Variants in TUBGCP4 observed in about 807,000 individuals in gnomAD.
The protein encoded by TUBGCP4 is tubulin gamma complex component 4.
In TUBGCP4, 54 loss-of-function variants were observed where a neutral mutation model predicts 91.6. That is an observed-to-expected ratio of 0.59 (90% CI 0.47 to 0.74). The LOEUF (loss-of-function observed/expected upper bound fraction) is 0.74. Among genes scored for constraint, TUBGCP4 ranks in the 30% least tolerant of loss-of-function variants. TUBGCP4 has a pLI of 0.00. For missense variants in TUBGCP4, 593 were observed against 800.9 expected (o/e 0.74, Z 3.13); for synonymous variants, 297 against 302.8 (o/e 0.98, Z 0.20).
rs1035800833 is a variant in TUBGCP4 at position 43,407,741 on chromosome 15, G to A, written c.*2527G>A. Reference sequence around the variant, plus strand: ...AAAGGCAGAGTTATAATCACTATGTGCTGACCTTGTAGAAATATTTAACAA... The same window carrying A: ...AAAGGCAGAGTTATAATCACTATGTACTGACCTTGTAGAAATATTTAACAA... On this transcript the variant is annotated 3_prime_UTR_variant, in exon 18 of 18. Transcript: ENST00000564079. The A allele has an allele frequency of 1.5e-5, 12 of 781,448 alleles. No individual in the cohort carries two copies. The African/African-American group carries it at 1.6e-4, about 10-fold the overall frequency. 48.4% of individuals were successfully genotyped at this position (781,448 alleles called of 1,614,324 possible).
Position 43,407,691 on chromosome 15 carries a change from A to C in TUBGCP4, c.*2477A>C, listed in dbSNP as rs45608631. 0.024 allele frequency: 23,031 copies of C among 962,968 alleles called. 353 individuals carry two copies. The highest frequency in any genetic ancestry group is 0.039 in the South Asian group (2,235 of 57,760). 59.7% of individuals were successfully genotyped at this position (962,968 alleles called of 1,614,324 possible). A position where few individuals can be genotyped will look rare whatever the true frequency, so the allele number is the denominator to read the frequency against. ...GCACAAACCAAAGCCCTATTATGTC[A>C]AACACACTGCTACTGATCATGACCA... On this transcript the variant is annotated 3_prime_UTR_variant, in exon 18 of 18. Coordinates refer to ENST00000564079, the MANE Select transcript of TUBGCP4 (RefSeq NM_014444.5).
chr15:43,405,177 A>G, intron 17 of TUBGCP4, 25 bp from the exon 18 acceptor site: 3 of 1,614,076 alleles, frequency 1.9e-6, no homozygotes, highest in Non-Finnish European at 2.5e-6. Context: ...ATGACACTTA[A>G]TAAGGCTCTT....
Position 43,405,265 on chromosome 15 carries a change from CAG to C in TUBGCP4, c.*53_*54del, listed in dbSNP as rs935843355. On this transcript the variant is annotated 3_prime_UTR_variant, in exon 18 of 18. Coordinates refer to ENST00000564079, the MANE Select transcript of TUBGCP4 (RefSeq NM_014444.5). ...AACAGCCACGTTCCCAAGGTTGTAA[CAG>C]AAGATTCAAAACATCCCATTCTAGC... 1 of 1,603,204 alleles carries C rather than the reference CAG, an allele frequency of 6.2e-7. No homozygotes were observed. Among genetic ancestry groups the C allele is most frequent in the Non-Finnish European group, 8.5e-7 (1 of 1,170,314 alleles).
chr15:43,373,289 G>T (rs780062542), intron 1 of TUBGCP4, among the ~76,000 whole-genome samples: 36 of 152,110 alleles, frequency 2.4e-4, no homozygotes, highest in Non-Finnish European at 4.1e-4. Flanking sequence ...ATATAGAATG[G>T]TATCAGTAAC....
chr15:43,388,005 T>C (rs2044406768), intron 9 of TUBGCP4, among the ~76,000 whole-genome samples: 1 of 151,382 alleles, frequency 6.6e-6, no homozygotes, highest in Non-Finnish European at 1.5e-5. Context: ...TGCACCAGCA[T>C]GCCTGGCAAA....
intron 4 of TUBGCP4, 86 bp downstream of exon 4, chr15:43,377,153 T>G: frequency 8.6e-7 from 1 of 1,162,702 alleles, no homozygotes. Context: ...TGAGAACTTT[T>G]TTTCTTCTGG....
Position 43,398,317 on chromosome 15 carries a change from A to C in TUBGCP4, c.1418+138A>C, listed in dbSNP as rs2044615051. ...ATCCCAGCTAGTCCAGAGCCTGAGC[A>C]GGAGGATCCCTTAAGCCCAGGATTT... is the stretch of plus-strand genomic sequence containing the variant. On this transcript the variant is annotated intron_variant, in intron 13 of 17. Coordinates refer to ENST00000564079, the MANE Select transcript of TUBGCP4 (RefSeq NM_014444.5). 3 of 916,202 alleles carry C rather than the reference A, an allele frequency of 3.3e-6. No individual in the cohort carries two copies. The East Asian group carries it at 7.8e-5, about 24-fold the overall frequency. 56.8% of individuals were successfully genotyped at this position (916,202 alleles called of 1,614,324 possible).
At chr15:43,400,568 GT>G (rs2044658777) in intron 14 of TUBGCP4, among the ~76,000 whole-genome samples, 1 of 151,944 alleles carries the variant, frequency 6.6e-6, no homozygotes, top group African/African-American at 2.4e-5. Flanking sequence ...CAGCTGGTTT[GT>G]TTTTATTTTT....
At chr15:43,379,999 C>T in intron 5 of TUBGCP4, 85 bp from the exon 6 acceptor site, 5 of 1,304,488 alleles carry the variant, frequency 3.8e-6, no homozygotes, top group Middle Eastern at 1.8e-4. Context: ...TAGATTGTGC[C>T]CTCTTGGTTG....
At chr15:43,387,986 C>A (rs2044406389) in intron 9 of TUBGCP4, among the ~76,000 whole-genome samples, 1 of 151,808 alleles carries the variant, frequency 6.6e-6, no homozygotes, top group African/African-American at 2.4e-5. Context: ...GTAGCTGGGA[C>A]TGCAGGCCTG....
At chr15:43,404,342 T>TCCG (rs1424886669) in intron 16 of TUBGCP4, 71 bp from the exon 17 acceptor site, 1 of 1,581,306 alleles carries the variant, frequency 6.3e-7, no homozygotes, top group African/African-American at 1.4e-5. Context: ...AACTCCTCCC[T>TCCG]CCGCCCCCAT....
chr15:43,404,568 G>A lies in TUBGCP4; in HGVS notation c.1988+16G>A, dbSNP rs140067398. Reference sequence around the variant, plus strand: ...CTCTGGGCAGGTAGGAGCAACCCTTGGGTAACTCAGTAGACTTTTTAAGGT... The same window carrying A: ...CTCTGGGCAGGTAGGAGCAACCCTTAGGTAACTCAGTAGACTTTTTAAGGT... On this transcript the variant is annotated intron_variant, in intron 17 of 17. Transcript: ENST00000564079. 1.9e-6 allele frequency: 3 copies of A among 1,613,018 alleles called. No individual in the cohort carries two copies. The highest frequency in any genetic ancestry group is 1.7e-4 in the Middle Eastern group (1 of 6,050).
chr15:43,375,994 A>T (rs2044198084), intron 1 of TUBGCP4, 104 bp from the exon 2 acceptor site: 2 of 1,527,072 alleles, frequency 1.3e-6, no homozygotes, highest in Non-Finnish European at 1.8e-6. Context: ...TTAAGTGGAC[A>T]TCTTGAGAAA....
intron 6 of TUBGCP4, among the ~76,000 whole-genome samples, chr15:43,380,568 G>C (rs2044271629): frequency 6.6e-6 from 1 of 152,112 alleles, no homozygotes; most frequent in South Asian, 2.1e-4. Flanking sequence ...CCACTCTTGG[G>C]AATTTTATCC....
Position 43,395,601 on chromosome 15 carries a change from C to G in TUBGCP4, c.1084C>G (p.Leu362Val), listed in dbSNP as rs770314330. The change falls in exon 11 of 18, where the codon CTT becomes GTT. Residue 362 changes from leucine (L) to valine (V), a missense_variant. Physicochemically the swap from Leu to Val is conservative, Grantham distance 32. Transcript: ENST00000564079. The part of the protein sequence containing the change: ...GQLKIIKDFY[L>V]LGRGELFQAF... The stretch of plus-strand genomic sequence containing the variant: ...TCCTCAGATCATTAAAGACTTTTAC[C>G]TTCTGGGACGTGGAGAACTGTTTCA... 1.9e-6 allele frequency: 3 copies of G among 1,613,968 alleles called. No individual in the cohort carries two copies. The East Asian group carries it at 6.7e-5, about 36-fold the overall frequency.
At chr15:43,386,029 A>G in intron 8 of TUBGCP4, 73 bp downstream of exon 8, 1 of 1,574,170 alleles carries the variant, frequency 6.4e-7, no homozygotes, top group Non-Finnish European at 8.6e-7. Flanking sequence ...GCCCCACAGC[A>G]TGCCTGGTCA....
chr15:43,385,651 G>T, intron 7 of TUBGCP4, 140 bp from the exon 8 acceptor site: 1 of 815,058 alleles, frequency 1.2e-6, no homozygotes, highest in Non-Finnish European at 1.9e-6. Context: ...AAAATGGGTG[G>T]TTTGAGAACT....
At chr15:43,399,999 G>A (rs1222463065) in intron 13 of TUBGCP4, 45 bp from the exon 14 acceptor site, 6 of 1,534,984 alleles carry the variant, frequency 3.9e-6, no homozygotes, top group Admixed American at 1.8e-5. Context: ...GGGAAGTGCA[G>A]GGGATGAAAT....
chr15:43,399,115 T>C, intron 13 of TUBGCP4: 2 of 1,278,460 alleles, frequency 1.6e-6, no homozygotes, highest in South Asian at 1.3e-5. Context: ...CCTTTAGAAA[T>C]AGACAATTTT....
Sources: allele counts gnomAD v4.1 joint callset (sites outside exome capture counted in the v4.1 genomes callset), GRCh38; gene constraint gnomAD v4.1.1; transcripts MANE v1.5; gene names NCBI Gene and HGNC (gene_info 2026-07-23, HGNC 2026-07-21).